MPHOSPH10: variants seen among roughly 807,000 people sequenced by gnomAD.
MPHOSPH10 encodes the protein U3 small nucleolar ribonucleoprotein MPP10.
Under a neutral mutation model 77.3 loss-of-function variants are expected in MPHOSPH10, and 33 were observed. That is an observed-to-expected ratio of 0.43 (90% CI 0.32 to 0.57). The LOEUF is 0.57. MPHOSPH10 is among the 20% of genes least tolerant of loss of function. The pLI is 0.07. For synonymous variants in MPHOSPH10, 245 were observed against 268.0 expected, an observed-to-expected ratio of 0.91 and a Z score of 0.84; for missense variants, 708 against 780.1, an observed-to-expected ratio of 0.91 and a Z score of 1.10.
intron 4 of MPHOSPH10, among the ~76,000 whole-genome samples, chr2:71,137,789 G>A (rs184225051): frequency 6.6e-6 from 1 of 152,074 alleles, no homozygotes; most frequent in East Asian, 1.9e-4. Flanking sequence ...AGGAAAATAA[G>A]AGAATTCTGT....
At chr2:71,143,613 T>A (rs940686289) in intron 7 of MPHOSPH10, among the ~76,000 whole-genome samples, 1 of 152,202 alleles carries the variant, frequency 6.6e-6, no homozygotes, top group Non-Finnish European at 1.5e-5. Context: ...AAGCAGTTGC[T>A]ACCCTTTCCT....
At chr2:71,131,993 A>T (rs934977780) in intron 1 of MPHOSPH10, among the ~76,000 whole-genome samples, 1 of 152,134 alleles carries the variant, frequency 6.6e-6, no homozygotes, top group Admixed American at 6.5e-5. Context: ...AGCCTTCCCT[A>T]TCTCAGTAAA....
intron 1 of MPHOSPH10, among the ~76,000 whole-genome samples, chr2:71,132,089 C>A (rs1416689044): frequency 1.3e-5 from 2 of 152,154 alleles, no homozygotes; most frequent in African/African-American, 2.4e-5. Context: ...ATATCTAATT[C>A]TTTAGCAATC....
At chr2:71,142,743 AGTAGTAGC>A (rs1459394723) in intron 7 of MPHOSPH10, among the ~76,000 whole-genome samples, 1 of 152,236 alleles carries the variant, frequency 6.6e-6, no homozygotes, top group Non-Finnish European at 1.5e-5. Context: ...AATAGTAAGC[AGTAGTAGC>A]GTGATGCCTG....
chr2:71,139,143 A>C, intron 5 of MPHOSPH10: 1 of 178,598 alleles, frequency 5.6e-6, no homozygotes, highest in Non-Finnish European at 1.2e-5. Context: ...ATTTTGTTAT[A>C]TTTGCTTTCT....
At position 71,133,935 on chromosome 2, in the gene MPHOSPH10, CTTTTT is replaced by C; in HGVS notation, c.769-12_769-8del. On this transcript the variant is annotated splice_polypyrimidine_tract_variant and splice_region_variant and intron_variant, in intron 2 of 10. Coordinates refer to ENST00000244230, the MANE Select transcript of MPHOSPH10 (RefSeq NM_005791.3). ...ATCCCTAATTAATAGTTTTTAATAT[CTTTTT>C]ATTTTAGTCAGGTAAAAGTTCCAGA... 2.0e-6 allele frequency: 3 copies of C among 1,484,562 alleles called. No homozygotes were observed. Among genetic ancestry groups the C allele is most frequent in the Non-Finnish European group, 2.7e-6 (3 of 1,097,654 alleles). The allele number at this position is 1,484,562 out of a possible 1,614,324, so 92.0% of individuals were successfully genotyped here.
chr2:71,142,290 A>G (rs1277000022), intron 7 of MPHOSPH10, among the ~76,000 whole-genome samples: 1 of 152,194 alleles, frequency 6.6e-6, no homozygotes, highest in Non-Finnish European at 1.5e-5. Context: ...AAGAACTGAA[A>G]AGATTTGAAT....
At chr2:71,134,584 G>C in intron 3 of MPHOSPH10, 42 bp from the exon 4 acceptor site, 2 of 1,526,646 alleles carry the variant, frequency 1.3e-6, no homozygotes, top group Non-Finnish European at 1.8e-6. Flanking sequence ...TTTTCTAATG[G>C]AAAGTAGTAT....
chr2:71,136,057 G>A (rs977367347), intron 4 of MPHOSPH10, among the ~76,000 whole-genome samples: 2 of 152,074 alleles, frequency 1.3e-5, no homozygotes, highest in African/African-American at 4.8e-5. Context: ...GTGCCAAATA[G>A]CCAGAATTTT....
rs767451105 is a variant in MPHOSPH10, at chr2:71,139,855, G to A, written c.1301G>A (p.Arg434Lys). Residue 434 changes from arginine (R) to lysine (K), a missense_variant, in exon 6 of 11, where the codon AGA becomes AAA. Arg to Lys is a conservative substitution (Grantham distance 26). Transcript: ENST00000244230. The part of the protein sequence containing the change: ...QLEDIIKQRI[R>K]DQAWDDVVRK... ...GAAGATATCATTAAACAGAGGATAA[G>A]AGATCAGGTCAGTAAGAATTAAATT... 3 of 1,599,958 alleles carry A rather than the reference G, an allele frequency of 1.9e-6. No homozygotes were observed. In the South Asian group the frequency reaches 3.3e-5, roughly 18 times the overall value.
chr2:71,133,570 A>C lies in MPHOSPH10; in HGVS notation c.762A>C (p.Lys254Asn), dbSNP rs753858009. The change falls in exon 2 of 11, where the codon AAA becomes AAC. Residue 254 changes from lysine (K) to asparagine (N), a missense_variant. Physicochemically the swap from Lys to Asn is moderately conservative, Grantham distance 94. Transcript: ENST00000244230. ...EDEGGLFGSK[K>N]LKSGKSSRNL... ...AAGGGGGACTGTTTGGAAGTAAAAA[A>C]CTTAAGGTAAAGTTTTGAGAGAAGA... 2 of 1,570,992 alleles carry C rather than the reference A, an allele frequency of 1.3e-6. No homozygotes were observed. The highest frequency in any genetic ancestry group is 1.7e-6 in the Non-Finnish European group (2 of 1,163,120).
At chr2:71,144,620 T>G in intron 8 of MPHOSPH10, 82 bp downstream of exon 8, 2 of 1,060,052 alleles carry the variant, frequency 1.9e-6, no homozygotes, top group Non-Finnish European at 1.4e-6. Flanking sequence ...AGCTCTTTAT[T>G]TTGTTTCAGG....
In MPHOSPH10 at chr2:71,144,462, T is replaced by C. The variant is rs780118923; in HGVS notation, c.1481T>C (p.Val494Ala). The C allele has an allele frequency of 1.9e-6, 3 of 1,614,126 alleles. No homozygotes were observed. Among genetic ancestry groups the C allele is most frequent in the Non-Finnish European group, 1.7e-6 (2 of 1,179,996 alleles). ...KTAEEENPEH[V>A]EIQKMMDSLF... The stretch of plus-strand genomic sequence containing the variant: ...GCAGAAGAAGAAAATCCAGAACATG[T>C]AGAAATTCAGAAGATGATGGATTCC... The change falls in exon 8 of 11, where the codon GTA (valine) becomes GCA (alanine). Residue 494 changes from valine to alanine, a missense_variant. Physicochemically the swap from Val to Ala is moderately conservative, Grantham distance 64. Around this residue, in one of 3 missense-constraint regions of MPHOSPH10, gnomAD observed 263 missense variants for 320.0 expected, o/e 0.82. Transcript: ENST00000244230.
Position 71,149,850 on chromosome 2 carries a change from G to A in MPHOSPH10, c.1897-16G>A. ...GTACATTTTACAGCATAAGCATGTG[G>A]TGTTTTTAATTGCAGGATGAAGGTA... is the stretch of plus-strand genomic sequence containing the variant. On this transcript the variant is annotated splice_polypyrimidine_tract_variant and intron_variant, in intron 10 of 10. Coordinates refer to ENST00000244230, the MANE Select transcript of MPHOSPH10 (RefSeq NM_005791.3). 6.6e-7 allele frequency: 1 copy of A among 1,522,358 alleles called. No homozygotes were observed. Among genetic ancestry groups the A allele is most frequent in the African/African-American group, 1.4e-5 (1 of 71,352 alleles). The allele number at this position is 1,522,358 out of a possible 1,614,324, so 94.3% of individuals were successfully genotyped here.
At chr2:71,137,518 G>T (rs1673519881) in intron 4 of MPHOSPH10, among the ~76,000 whole-genome samples, 1 of 151,994 alleles carries the variant, frequency 6.6e-6, no homozygotes, top group African/African-American at 2.4e-5. Flanking sequence ...AATTAGTCAG[G>T]CGTGGTTGCA....
At position 71,138,642 on chromosome 2, in the gene MPHOSPH10, C is replaced by G; in HGVS notation, c.1240+11C>G. The G allele has an allele frequency of 6.2e-7, 1 of 1,614,042 alleles. No homozygotes were observed. The highest frequency in any genetic ancestry group is 1.1e-5 in the South Asian group (1 of 91,050). On this transcript the variant is annotated intron_variant, in intron 5 of 10. Transcript: ENST00000244230. ...ATGCTGTCCGGATGGGTATGGTGCC[C>G]TCTTCTGTAGTTTTCATGTCTGTGC...
intron 5 of MPHOSPH10, chr2:71,139,040 C>A: frequency 7.9e-6 from 3 of 379,238 alleles, no homozygotes; most frequent in African/African-American, 2.0e-5. Context: ...GACACTCTGT[C>A]AAAAAAGAAA....
chr2:71,133,146 A>G lies in MPHOSPH10; in HGVS notation c.338A>G (p.Gln113Arg), dbSNP rs1247890288. ...AGTCTTCTCCCAGAGAGTGAAGAAC[A>G]GGAACGTGAAGAGGATGGTTCAGAG... is the stretch of plus-strand genomic sequence containing the variant. The part of the protein sequence containing the change: ...DISLLPESEE[Q>R]EREEDGSEIE... Residue 113 changes from glutamine to arginine, a missense_variant, in exon 2 of 11, where the codon CAG (glutamine) becomes CGG (arginine). Coordinates refer to ENST00000244230, the MANE Select transcript of MPHOSPH10 (RefSeq NM_005791.3). 6.2e-7 allele frequency: 1 copy of G among 1,614,170 alleles called. No individual in the cohort carries two copies. The highest frequency in any genetic ancestry group is 1.1e-5 in the South Asian group (1 of 91,078).
chr2:71,139,779 G>A lies in MPHOSPH10; in HGVS notation c.1241-16G>A, dbSNP rs370105849. On this transcript the variant is annotated splice_polypyrimidine_tract_variant and intron_variant, in intron 5 of 10. Coordinates refer to ENST00000244230, the MANE Select transcript of MPHOSPH10 (RefSeq NM_005791.3). ...GTGGATATCTACCTAATGAATAAAC[G>A]TTGTATATCCTTTAGCACCTGTGAT... is the stretch of plus-strand genomic sequence containing the variant. The A allele has an allele frequency of 1.2e-5, 19 of 1,581,820 alleles. No homozygotes were observed. The highest frequency in any genetic ancestry group is 5.4e-5 in the African/African-American group (4 of 74,104).
Sources: gnomAD v4.1 joint callset for allele counts (sites outside exome capture counted in the v4.1 genomes callset) on GRCh38, gnomAD v4.1.1 for gene constraint, gnomAD v4.1.1 regional missense constraint, MANE v1.5 for transcripts, NCBI Gene and HGNC (gene_info 2026-07-23, HGNC 2026-07-21) for gene names.